The following MAP3K20 variants were observed in gnomAD, a reference collection of about 807,000 sequenced individuals.
The protein encoded by MAP3K20 is HCCS-4.
A neutral mutation model predicts 85.7 loss-of-function variants in MAP3K20; 40 were observed. The observed-to-expected ratio is 0.47, with a 90% CI of 0.36 to 0.61. The LOEUF (loss-of-function observed/expected upper bound fraction) is 0.61, where lower values mean the gene tolerates loss of function less well. Ranked by LOEUF, MAP3K20 falls within the 20% of genes least tolerant of loss-of-function variation. MAP3K20 has a pLI of 0.00. For synonymous variants in MAP3K20, 325 were observed against 327.7 expected (o/e 0.99, Z 0.09); for missense variants, 817 against 961.7 (o/e 0.85, Z 1.99).
At chr2:173,174,339 C>T (rs1187503843) in intron 3 of MAP3K20, among the ~76,000 whole-genome samples, 1 of 152,110 alleles carries the variant, frequency 6.6e-6, no homozygotes, top group Admixed American at 6.6e-5. Context: ...TTTCCTAATG[C>T]TCTCCCTCCC....
intron 2 of MAP3K20, among the ~76,000 whole-genome samples, chr2:173,100,537 A>G (rs545833809): frequency 6.6e-6 from 1 of 152,318 alleles, no homozygotes; most frequent in African/African-American, 2.4e-5. Context: ...TTGTATTGAC[A>G]TACCTACATT....
Position 173,121,679 on chromosome 2 carries a change from G to A in MAP3K20, c.159+30489G>A, listed in dbSNP as rs1454463572. ...TGGGATTACAGTCGTGAGCCACCGC[G>A]CCCGGCTGGAGAACAAATTCTTATC... On this transcript the variant is annotated intron_variant, in intron 2 of 19. Transcript: ENST00000375213. Among the ~76,000 whole-genome samples the A allele has an allele frequency of 9.9e-5, 15 of 152,152 alleles. 1 individual carries two copies. The South Asian group carries it at 1.9e-3, about 19-fold the overall frequency.
At chr2:173,143,743 G>A (rs10930578) in intron 2 of MAP3K20, among the ~76,000 whole-genome samples, 42,650 of 152,048 alleles carry the variant, frequency 0.28, 6,399 homozygotes, top group African/African-American at 0.37. Context: ...GTCTTTATTT[G>A]CAGATTAAAT....
intron 8 of MAP3K20, among the ~76,000 whole-genome samples, chr2:173,199,422 T>C (rs1376106373): frequency 6.6e-6 from 1 of 152,242 alleles, no homozygotes; most frequent in African/African-American, 2.4e-5. Context: ...TTAAAAGTGA[T>C]AGTAATTCCT....
chr2:173,230,729 C>T (rs571646604), intron 12 of MAP3K20, among the ~76,000 whole-genome samples: 1 of 152,250 alleles, frequency 6.6e-6, no homozygotes, highest in Admixed American at 6.5e-5. Flanking sequence ...AGGTTGGGCA[C>T]GGTGGCCTGT....
intron 16 of MAP3K20, among the ~76,000 whole-genome samples, chr2:173,258,472 T>C (rs1685208839): frequency 6.6e-6 from 1 of 151,918 alleles, no homozygotes; most frequent in Non-Finnish European, 1.5e-5. Context: ...GTAACTCCTA[T>C]AATAGAACAC....
At chr2:173,169,780 AC>A in intron 2 of MAP3K20, 24 bp from the exon 3 acceptor site, 1 of 1,600,486 alleles carries the variant, frequency 6.2e-7, no homozygotes. Flanking sequence ...ATGTTATGCA[AC>A]TTTGCATTTT....
At chr2:173,091,284 C>T in intron 2 of MAP3K20, 94 bp downstream of exon 2, 2 of 1,318,780 alleles carry the variant, frequency 1.5e-6, no homozygotes, top group Non-Finnish European at 2.1e-6. Context: ...TGCAAGAGAC[C>T]TAGCAAGGCC....
At chr2:173,080,523 AAG>A (rs1686984957) in intron 1 of MAP3K20, among the ~76,000 whole-genome samples, 1 of 152,226 alleles carries the variant, frequency 6.6e-6, no homozygotes, top group Non-Finnish European at 1.5e-5. Context: ...ATGAAAGACA[AAG>A]AGAAAAAGTG....
At chr2:173,251,751 G>A (rs78647906) in intron 16 of MAP3K20, among the ~76,000 whole-genome samples, 4,577 of 152,148 alleles carry the variant, frequency 0.03, 118 homozygotes, top group African/African-American at 0.067. Context: ...GTACTGAACT[G>A]TACAATTAAA....
chr2:173,180,623 C>T (rs1384648038), intron 3 of MAP3K20, among the ~76,000 whole-genome samples: 2 of 151,968 alleles, frequency 1.3e-5, no homozygotes, highest in Non-Finnish European at 2.9e-5. Context: ...CTGCAGGGAG[C>T]CAAGAGTGTG....
At chr2:173,155,943 C>A (rs1460502428) in intron 2 of MAP3K20, among the ~76,000 whole-genome samples, 4 of 152,152 alleles carry the variant, frequency 2.6e-5, no homozygotes, top group Admixed American at 2.6e-4. Flanking sequence ...CTACATTTCC[C>A]AGCCCTTCCT....
chr2:173,095,163 T>TA (rs1269848949), intron 2 of MAP3K20, among the ~76,000 whole-genome samples: 3 of 152,224 alleles, frequency 2.0e-5, no homozygotes, highest in African/African-American at 7.2e-5. Context: ...TTTTCATGCT[T>TA]AAACTATCCC....
chr2:173,232,644 C>T (rs2106331770), intron 14 of MAP3K20, among the ~76,000 whole-genome samples, 185 bp downstream of exon 14: 1 of 152,306 alleles, frequency 6.6e-6, no homozygotes, highest in Non-Finnish European at 1.5e-5. Context: ...GCTGGGATTA[C>T]AGAAGCGTGC....
chr2:173,229,334 C>A (rs568100941), intron 11 of MAP3K20, among the ~76,000 whole-genome samples: 5 of 152,288 alleles, frequency 3.3e-5, no homozygotes, highest in South Asian at 4.1e-4. Flanking sequence ...CATTAATAAT[C>A]CAACAGTCCT....
At chr2:173,120,265 T>C (rs1002845166) in intron 2 of MAP3K20, among the ~76,000 whole-genome samples, 2 of 152,152 alleles carry the variant, frequency 1.3e-5, no homozygotes, top group Non-Finnish European at 2.9e-5. Context: ...TGGGGTGACC[T>C]GAACTTTCAT....
intron 16 of MAP3K20, among the ~76,000 whole-genome samples, chr2:173,253,519 T>C (rs1156898693): frequency 1.3e-5 from 2 of 152,206 alleles, no homozygotes; most frequent in East Asian, 1.9e-4. Flanking sequence ...ACTTAATGTA[T>C]GGTTTTTTTC....
chr2:173,188,531 GGA>G (rs1194495863), intron 5 of MAP3K20, among the ~76,000 whole-genome samples: 1 of 152,036 alleles, frequency 6.6e-6, no homozygotes, highest in Non-Finnish European at 1.5e-5. Flanking sequence ...GACAAGTAGT[GGA>G]AGAGAACCAG....
intron 8 of MAP3K20, among the ~76,000 whole-genome samples, chr2:173,202,275 T>C (rs1233543216): frequency 2.0e-5 from 3 of 152,240 alleles, no homozygotes; most frequent in Admixed American, 2.0e-4. Context: ...GCCTTTAGTT[T>C]GGAGAGAGTT....
Sources: gnomAD v4.1 joint callset for allele counts (sites outside exome capture counted in the v4.1 genomes callset) on GRCh38, gnomAD v4.1.1 for gene constraint, MANE v1.5 for transcripts, NCBI Gene and HGNC (gene_info 2026-07-23, HGNC 2026-07-21) for gene names.